The following WDR70 variants were observed in gnomAD, a reference collection of about 807,000 sequenced individuals.
The protein encoded by WDR70 is WD repeat domain 70.
Under a neutral mutation model 88.6 loss-of-function variants are expected in WDR70, and 53 were observed. The observed-to-expected ratio is 0.60, with a 90% CI of 0.48 to 0.75. The LOEUF (loss-of-function observed/expected upper bound fraction) is 0.75, where lower values mean the gene tolerates loss of function less well. Among genes scored for constraint, WDR70 ranks in the 30% least tolerant of loss-of-function variants. The probability of loss-of-function intolerance (pLI) is 0.00; values close to 1 mark genes in which losing one functional copy is unlikely to be tolerated. For missense variants in WDR70, 610 were observed against 823.2 expected, an observed-to-expected ratio of 0.74 and a Z score of 3.17; for synonymous variants, 280 against 270.0, an observed-to-expected ratio of 1.04 and a Z score of -0.36.
chr5:37,462,699 C>T (rs909796979), intron 7 of WDR70, among the ~76,000 whole-genome samples: 1 of 151,962 alleles, frequency 6.6e-6, no homozygotes, highest in African/African-American at 2.4e-5. Context: ...AATAACATTG[C>T]ATTTGGCTAC....
intron 10 of WDR70, among the ~76,000 whole-genome samples, chr5:37,631,775 A>G (rs1405554813): frequency 6.6e-6 from 1 of 152,088 alleles, no homozygotes; most frequent in Non-Finnish European, 1.5e-5. Context: ...TAGAGGGCTC[A>G]TTTTCCTCTA....
intron 9 of WDR70, among the ~76,000 whole-genome samples, chr5:37,582,983 G>A (rs1743262281): frequency 6.6e-6 from 1 of 152,204 alleles, no homozygotes; most frequent in Non-Finnish European, 1.5e-5. Context: ...GATCCTAGTA[G>A]TTCATAGCCT....
chr5:37,623,883 T>G (rs1744586254), intron 10 of WDR70, among the ~76,000 whole-genome samples: 1 of 152,168 alleles, frequency 6.6e-6, no homozygotes, highest in South Asian at 2.1e-4. Context: ...ATTTAAAAAT[T>G]TTTTAATTGA....
chr5:37,615,854 ACACT>A (rs1321349400), intron 10 of WDR70, among the ~76,000 whole-genome samples: 2 of 152,174 alleles, frequency 1.3e-5, no homozygotes, highest in Non-Finnish European at 2.9e-5. Flanking sequence ...AGTGTTTCTC[ACACT>A]CACTCCCTCA....
At chr5:37,403,926 A>G (rs1311427173) in intron 5 of WDR70, among the ~76,000 whole-genome samples, 1 of 152,054 alleles carries the variant, frequency 6.6e-6, no homozygotes, top group South Asian at 2.1e-4. Context: ...TATTTTTTGT[A>G]GAGTGGGGTC....
At chr5:37,542,909 A>G (rs1202165643) in intron 9 of WDR70, among the ~76,000 whole-genome samples, 1 of 152,176 alleles carries the variant, frequency 6.6e-6, no homozygotes, top group Non-Finnish European at 1.5e-5. Context: ...ACTCCCATTA[A>G]GGGGCCATCT....
intron 3 of WDR70, among the ~76,000 whole-genome samples, chr5:37,384,529 G>C (rs868043607): frequency 6.6e-6 from 1 of 151,408 alleles, no homozygotes; most frequent in Admixed American, 6.6e-5. Flanking sequence ...GCGTGGTGGC[G>C]GGCGCCTGTA....
chr5:37,471,514 T>A (rs552908132), intron 7 of WDR70, among the ~76,000 whole-genome samples: 13 of 152,024 alleles, frequency 8.6e-5, no homozygotes, highest in Non-Finnish European at 1.6e-4. Flanking sequence ...ATCTAGGGAC[T>A]TTCGTTGGTT....
intron 7 of WDR70, among the ~76,000 whole-genome samples, chr5:37,475,571 A>G (rs964365426): frequency 6.6e-6 from 1 of 152,118 alleles, no homozygotes; most frequent in Non-Finnish European, 1.5e-5. Flanking sequence ...ACTCTGCCTG[A>G]TATTCGTAAG....
chr5:37,752,970 T>C lies in WDR70; in HGVS notation c.*397T>C, dbSNP rs529292973. The stretch of plus-strand genomic sequence containing the variant: ...GATCAAAAAGTTTAATGTTTCTGTA[T>C]AATTTCACAACAGTTGTTTACATGA... On this transcript the variant is annotated 3_prime_UTR_variant, in exon 18 of 18. Transcript: ENST00000265107. 6.2e-6 allele frequency: 1 copy of C among 162,058 alleles called. No individual in the cohort carries two copies. Among genetic ancestry groups the C allele is most frequent in the South Asian group, 1.8e-4 (1 of 5,506 alleles). 10.0% of individuals were successfully genotyped at this position (162,058 alleles called of 1,614,324 possible). A position where few individuals can be genotyped will look rare whatever the true frequency, so the allele number is the denominator to read the frequency against.
intron 17 of WDR70, among the ~76,000 whole-genome samples, chr5:37,727,379 G>A (rs930440275): frequency 1.3e-5 from 2 of 152,110 alleles, no homozygotes; most frequent in Non-Finnish European, 1.5e-5. Context: ...AGCAAATGAA[G>A]CAGTTTGTAG....
intron 9 of WDR70, among the ~76,000 whole-genome samples, chr5:37,588,197 T>A (rs1743420184): frequency 6.6e-6 from 1 of 152,158 alleles, no homozygotes; most frequent in Non-Finnish European, 1.5e-5. Flanking sequence ...TGTACAAAAC[T>A]ATGCTAGATA....
At chr5:37,705,277 G>A (rs1747289400) in intron 13 of WDR70, among the ~76,000 whole-genome samples, 1 of 152,014 alleles carries the variant, frequency 6.6e-6, no homozygotes, top group Non-Finnish European at 1.5e-5. Context: ...AGGGAATAAA[G>A]GATAGAAAAA....
At chr5:37,696,930 A>T (rs1432114836) in intron 10 of WDR70, among the ~76,000 whole-genome samples, 1 of 152,214 alleles carries the variant, frequency 6.6e-6, no homozygotes, top group Non-Finnish European at 1.5e-5. Context: ...GAAGGATTAT[A>T]ATGAAGTATT....
chr5:37,455,594 G>A (rs1422035476), intron 7 of WDR70, among the ~76,000 whole-genome samples: 1 of 127,780 alleles, frequency 7.8e-6, no homozygotes, highest in African/African-American at 2.8e-5. Context: ...TCTGTTATCT[G>A]TTCTCCATTT....
chr5:37,688,518 A>C (rs920465245), intron 10 of WDR70, among the ~76,000 whole-genome samples: 1 of 152,034 alleles, frequency 6.6e-6, no homozygotes, highest in Non-Finnish European at 1.5e-5. Context: ...TTTTGGGTAA[A>C]CTGCTACCAC....
intron 14 of WDR70, 84 bp from the exon 15 acceptor site, chr5:37,722,771 C>T (rs1747860320): frequency 7.8e-7 from 1 of 1,285,576 alleles, no homozygotes; most frequent in Admixed American, 1.9e-5. Flanking sequence ...AGAGTATGTT[C>T]CTGAAAGTAT....
At chr5:37,604,747 CA>C (rs1743981328) in intron 9 of WDR70, among the ~76,000 whole-genome samples, 1 of 152,262 alleles carries the variant, frequency 6.6e-6, no homozygotes, top group African/African-American at 2.4e-5. Context: ...TTTGGCTGAT[CA>C]GGGGTAAAGT....
intron 7 of WDR70, among the ~76,000 whole-genome samples, chr5:37,447,920 A>G (rs950121315): frequency 1.3e-5 from 2 of 152,180 alleles, no homozygotes; most frequent in African/African-American, 4.8e-5. Flanking sequence ...CATGTACCCT[A>G]GAACTTAAAG....
Sources: allele counts gnomAD v4.1 joint callset (sites outside exome capture counted in the v4.1 genomes callset), GRCh38; gene constraint gnomAD v4.1.1; transcripts MANE v1.5; gene names NCBI Gene and HGNC (gene_info 2026-07-23, HGNC 2026-07-21).